ATP6V1C1: variants seen among roughly 807,000 people sequenced by gnomAD.
ATP6V1C1 encodes the protein ATPase H+ transporting V1 subunit C1.
Under a neutral mutation model 53.9 loss-of-function variants are expected in ATP6V1C1, and 45 were observed. The ratio of observed to expected loss-of-function variants is 0.83; its 90% CI spans 0.66 to 1.07. ATP6V1C1 has a LOEUF of 1.07. Among genes scored for constraint, ATP6V1C1 ranks in the 50% least tolerant of loss-of-function variants. The probability of loss-of-function intolerance (pLI) is 0.00; values close to 1 mark genes in which losing one functional copy is unlikely to be tolerated. For synonymous variants in ATP6V1C1, 153 were observed against 155.2 expected, an observed-to-expected ratio of 0.99 and a Z score of 0.11; for missense variants, 315 against 440.3, an observed-to-expected ratio of 0.72 and a Z score of 2.55.
chr8:103,023,600 A>G (rs914370932), intron 1 of ATP6V1C1, among the ~76,000 whole-genome samples: 3 of 152,198 alleles, frequency 2.0e-5, no homozygotes, highest in African/African-American at 7.2e-5. Context: ...ATCCTTTTGT[A>G]AGGTCATCTA....
At position 103,071,727 on chromosome 8, in the gene ATP6V1C1, C is replaced by G. The variant is rs985958928; in HGVS notation, c.*2980C>G. The G allele has an allele frequency of 6.5e-6, 1 of 154,082 alleles. No homozygotes were observed. The highest frequency in any genetic ancestry group is 2.4e-5 in the African/African-American group (1 of 41,494). The allele number at this position is 154,082 out of a possible 1,614,324, so 9.5% of individuals were successfully genotyped here. A position where few individuals can be genotyped will look rare whatever the true frequency, so the allele number is the denominator to read the frequency against. ...CGATTTCCTGGGCTCAAGCAATCCT[C>G]CCACCTCAGCCCCCAAGTAGCTGGG... is the stretch of plus-strand genomic sequence containing the variant. On this transcript the variant is annotated 3_prime_UTR_variant, in exon 13 of 13. Coordinates refer to ENST00000518738, the MANE Select transcript of ATP6V1C1 (RefSeq NM_001695.5).
chr8:103,033,101 A>C (rs1434808923), intron 1 of ATP6V1C1, among the ~76,000 whole-genome samples: 1 of 152,228 alleles, frequency 6.6e-6, no homozygotes, highest in Non-Finnish European at 1.5e-5. Flanking sequence ...GCATGCTTCC[A>C]TTTACAAGGA....
intron 3 of ATP6V1C1, among the ~76,000 whole-genome samples, chr8:103,047,346 G>A (rs1817115691): frequency 6.7e-6 from 1 of 148,544 alleles, no homozygotes; most frequent in Admixed American, 6.9e-5. Context: ...GTTCAAAGCT[G>A]CAATGCACTG....
At position 103,032,904 on chromosome 8, in the gene ATP6V1C1, TTC is replaced by T. The variant is rs201999439; in HGVS notation, c.-39-7892_-39-7891del. ...TAGAGGAATGTTCATAGAATCTCTA[TTC>T]TTAGTGGTCCCAAACCAGTAGTAAC... On this transcript the variant is annotated intron_variant, in intron 1 of 12. Coordinates refer to ENST00000518738, the MANE Select transcript of ATP6V1C1 (RefSeq NM_001695.5). Among the ~76,000 whole-genome samples, 1,007 of 152,370 alleles carry T rather than the reference TTC, an allele frequency of 6.6e-3. 13 individuals are homozygous for T. Among genetic ancestry groups the T allele is most frequent in the Middle Eastern group, 0.031 (9 of 294 alleles).
chr8:103,068,668 C>T lies in ATP6V1C1; in HGVS notation c.1070C>T (p.Pro357Leu), dbSNP rs752093574. Residue 357 changes from proline (P) to leucine (L), a missense_variant, in exon 13 of 13, where the codon CCA becomes CTA. By Grantham distance (98) the Pro-to-Leu change is moderately conservative. Coordinates refer to ENST00000518738, the MANE Select transcript of ATP6V1C1 (RefSeq NM_001695.5). ...TTTCCATAGGCTCCTATGGATATTC[C>T]AGGTTTAAACCTGAGTCAACAAGAA... is the stretch of plus-strand genomic sequence containing the variant. Reference protein sequence around the residue: ...AAIIDAPMDIPGLNLSQQEYY... With the variant: ...AAIIDAPMDILGLNLSQQEYY... The T allele has an allele frequency of 1.2e-6, 2 of 1,605,592 alleles. No homozygotes were observed. Among genetic ancestry groups the T allele is most frequent in the East Asian group, 4.5e-5 (2 of 44,302 alleles).
At position 103,070,507 on chromosome 8, in the gene ATP6V1C1, T is replaced by C. The variant is rs548918020; in HGVS notation, c.*1760T>C. On this transcript the variant is annotated 3_prime_UTR_variant, in exon 13 of 13. Coordinates refer to ENST00000518738, the MANE Select transcript of ATP6V1C1 (RefSeq NM_001695.5). ...TTGCTATCAGAAAATTTTGGTTCTT[T>C]GTCTTTTGCACATGTTCTTTGAGTC... is the stretch of plus-strand genomic sequence containing the variant. 2.0e-5 allele frequency: 3 copies of C among 152,350 alleles called. No individual in the cohort carries two copies. The East Asian group carries it at 5.8e-4, about 29-fold the overall frequency. 9.4% of individuals were successfully genotyped at this position (152,350 alleles called of 1,614,324 possible). A position where few individuals can be genotyped will look rare whatever the true frequency, so the allele number is the denominator to read the frequency against.
chr8:103,026,598 A>G (rs925187196), intron 1 of ATP6V1C1, among the ~76,000 whole-genome samples: 3 of 152,170 alleles, frequency 2.0e-5, no homozygotes, highest in Non-Finnish European at 4.4e-5. Context: ...GGATCACTTG[A>G]TGTCAGGAGT....
At chr8:103,067,696 G>A (rs1817519682) in intron 12 of ATP6V1C1, among the ~76,000 whole-genome samples, 2 of 150,244 alleles carry the variant, frequency 1.3e-5, no homozygotes, top group South Asian at 4.2e-4. Flanking sequence ...TGCCTCCTGG[G>A]TTCAGGCAGT....
chr8:103,066,204 G>T, intron 11 of ATP6V1C1, 117 bp from the exon 12 acceptor site: 1 of 1,172,910 alleles, frequency 8.5e-7, no homozygotes, highest in Non-Finnish European at 1.2e-6. Flanking sequence ...TAAAGGTAAA[G>T]GGAGATATTC....
intron 12 of ATP6V1C1, 99 bp downstream of exon 12, chr8:103,066,546 C>G: frequency 7.7e-7 from 1 of 1,299,890 alleles, no homozygotes; most frequent in Non-Finnish European, 1.0e-6. Flanking sequence ...AAGTATGAAA[C>G]TTAATCATTT....
At chr8:103,034,247 G>C (rs1816851639) in intron 1 of ATP6V1C1, among the ~76,000 whole-genome samples, 1 of 152,106 alleles carries the variant, frequency 6.6e-6, no homozygotes, top group Admixed American at 6.5e-5. Context: ...ATTTAATCAG[G>C]GTGCCTTTTT....
chr8:103,065,525 C>T (rs998473559), intron 11 of ATP6V1C1, among the ~76,000 whole-genome samples: 5 of 152,132 alleles, frequency 3.3e-5, no homozygotes, highest in Non-Finnish European at 5.9e-5. Flanking sequence ...TGCACTATTG[C>T]ACCACTGCAC....
Position 103,023,912 on chromosome 8 carries a change from G to T in ATP6V1C1, c.-40+2687G>T, listed in dbSNP as rs531487299. On this transcript the variant is annotated intron_variant, in intron 1 of 12. Coordinates refer to ENST00000518738, the MANE Select transcript of ATP6V1C1 (RefSeq NM_001695.5). ...TGATTCAGCATTTTTTTTTGGGGGG[G>T]GGGAACTTCTCCCTGAAGAGTCAGC... Among the ~76,000 whole-genome samples, 12 of 151,534 alleles carry T rather than the reference G, an allele frequency of 7.9e-5. No individual in the cohort carries two copies. The South Asian group carries it at 1.9e-3, about 24-fold the overall frequency.
intron 1 of ATP6V1C1, among the ~76,000 whole-genome samples, chr8:103,034,130 C>G (rs1364438303): frequency 6.6e-6 from 1 of 152,074 alleles, no homozygotes; most frequent in Non-Finnish European, 1.5e-5. Flanking sequence ...CTAGAATTGC[C>G]TCAACTGTAG....
At chr8:103,056,090 G>A (rs1212826095) in intron 8 of ATP6V1C1, among the ~76,000 whole-genome samples, 154 bp downstream of exon 8, 1 of 152,178 alleles carries the variant, frequency 6.6e-6, no homozygotes, top group Non-Finnish European at 1.5e-5. Context: ...TTTAGACCTA[G>A]AAGGGACTTG....
At chr8:103,048,791 T>C in intron 3 of ATP6V1C1, 79 bp from the exon 4 acceptor site, 2 of 1,207,742 alleles carry the variant, frequency 1.7e-6, no homozygotes, top group Non-Finnish European at 1.2e-6. Context: ...ATTCATGTCT[T>C]TATGTAATAT....
At chr8:103,056,983 C>T (rs896307630) in intron 8 of ATP6V1C1, among the ~76,000 whole-genome samples, 3 of 151,402 alleles carry the variant, frequency 2.0e-5, no homozygotes, top group African/African-American at 4.9e-5. Flanking sequence ...TGGTAGGGTC[C>T]GTCACTGGTA....
chr8:103,022,749 A>C (rs941044412), intron 1 of ATP6V1C1, among the ~76,000 whole-genome samples: 5 of 152,104 alleles, frequency 3.3e-5, no homozygotes, highest in Non-Finnish European at 7.4e-5. Context: ...TGAAGGTGTG[A>C]GTGAAAAGAA....
chr8:103,064,920 C>T (rs1456342940), intron 11 of ATP6V1C1, 109 bp downstream of exon 11: 5 of 896,244 alleles, frequency 5.6e-6, no homozygotes, highest in African/African-American at 1.7e-5. Context: ...TTGGAGAAAT[C>T]AAAGGGCCAA....
Sources: allele counts gnomAD v4.1 joint callset (sites outside exome capture counted in the v4.1 genomes callset), GRCh38; gene constraint gnomAD v4.1.1; transcripts MANE v1.5; gene names NCBI Gene and HGNC (gene_info 2026-07-23, HGNC 2026-07-21).